Variants in SLC8A1 observed in about 807,000 individuals in gnomAD.
The protein encoded by SLC8A1 is sodium/calcium exchanger 1.
SLC8A1 carries 18 observed loss-of-function variants against 68.3 expected under a neutral mutation model. The observed-to-expected ratio is 0.26, with a 90% CI of 0.18 to 0.39. SLC8A1 has a LOEUF of 0.39. Ranked by LOEUF, SLC8A1 falls within the 10% of genes least tolerant of loss-of-function variation. The probability of loss-of-function intolerance (pLI) is 1.00; values close to 1 mark genes in which losing one functional copy is unlikely to be tolerated. For missense variants in SLC8A1, 985 were observed against 1,156.7 expected, an observed-to-expected ratio of 0.85 and a Z score of 2.15; for synonymous variants, 475 against 415.5, an observed-to-expected ratio of 1.14 and a Z score of -1.74.
At chr2:40,429,708 A>C in exon 2 of SLC8A1, 1 of 1,613,878 alleles carries the variant, frequency 6.2e-7, no homozygotes, top group Non-Finnish European at 8.5e-7. Flanking sequence ...TCTCTCCGTC[A>C]GGCACCACAT....
intron 2 of SLC8A1, among the ~76,000 whole-genome samples, chr2:40,345,941 C>T (rs1307018400): frequency 6.6e-6 from 1 of 151,420 alleles, no homozygotes; most frequent in Non-Finnish European, 1.5e-5. Flanking sequence ...CAGCAAACCA[C>T]CATGGCACAT....
chr2:40,358,046 AG>A lies in SLC8A1; in HGVS notation c.1808+70426del, dbSNP rs1258855687. ...AATGCCAAACAATACATGCAACTGA[AG>A]GAAAAAAAAAAAAAAAAAAAAAAAG... On this transcript the variant is annotated intron_variant, in intron 2 of 7. Transcript: ENST00000406785. 9.7e-3 allele frequency among the ~76,000 whole-genome samples: 1,393 copies of A among 143,164 alleles called. 25 individuals carry two copies. Among genetic ancestry groups the A allele is most frequent in the African/African-American group, 0.034 (1,315 of 38,176 alleles). The allele number at this position is 143,164 out of a possible 152,430, so 93.9% of individuals were successfully genotyped here. A position where few individuals can be genotyped will look rare whatever the true frequency, so the allele number is the denominator to read the frequency against.
At chr2:40,154,198 G>A (rs529019072) in intron 6 of SLC8A1, among the ~76,000 whole-genome samples, 1 of 151,060 alleles carries the variant, frequency 6.6e-6, no homozygotes, top group Non-Finnish European at 1.5e-5. Context: ...TATAGGTGAA[G>A]AACAGAAATA....
At chr2:40,456,178 T>C (rs1488592817), upstream of SLC8A1, among the ~76,000 whole-genome samples, 1 of 152,010 alleles carries the variant, frequency 6.6e-6, no homozygotes, top group East Asian at 1.9e-4. Context: ...TAGCCGGGCG[T>C]GGTGGCGGGC....
At chr2:40,236,448 G>T (rs1166389259) in intron 2 of SLC8A1, among the ~76,000 whole-genome samples, 3 of 152,046 alleles carry the variant, frequency 2.0e-5, no homozygotes, top group African/African-American at 4.8e-5. Flanking sequence ...TTTTCCATTT[G>T]TTTGGCAGAT....
intron 7 of SLC8A1, among the ~76,000 whole-genome samples, chr2:40,119,681 C>G (rs2036337339): frequency 6.6e-6 from 1 of 152,180 alleles, no homozygotes; most frequent in Admixed American, 6.5e-5. Flanking sequence ...GATCAGATTT[C>G]CAATGCGATT....
intron 1 of SLC8A1, among the ~76,000 whole-genome samples, chr2:40,487,613 A>G (rs1345583298): frequency 2.0e-5 from 3 of 152,194 alleles, no homozygotes; most frequent in Non-Finnish European, 2.9e-5. Flanking sequence ...GGGGAAAAAT[A>G]GTGAATTCCT....
chr2:40,349,488 G>A (rs1670382710), intron 2 of SLC8A1, among the ~76,000 whole-genome samples: 1 of 152,192 alleles, frequency 6.6e-6, no homozygotes, highest in Non-Finnish European at 1.5e-5. Flanking sequence ...TATGAATCCT[G>A]CTCCTTCCTC....
chr2:40,492,002 T>G (rs1249042743), intron 1 of SLC8A1, among the ~76,000 whole-genome samples: 3 of 152,120 alleles, frequency 2.0e-5, no homozygotes, highest in African/African-American at 7.2e-5. Flanking sequence ...ACTTTAAAGT[T>G]CATATGGAAC....
chr2:40,351,918 C>A (rs1559352928), intron 2 of SLC8A1, among the ~76,000 whole-genome samples: 1 of 152,152 alleles, frequency 6.6e-6, no homozygotes, highest in African/African-American at 2.4e-5. Context: ...GTTTTCTGAG[C>A]AGACCACTCC....
intron 1 of SLC8A1, among the ~76,000 whole-genome samples, chr2:40,457,098 T>A (rs11124741): frequency 1.3e-5 from 2 of 152,162 alleles, no homozygotes; most frequent in Non-Finnish European, 2.9e-5. Flanking sequence ...TCAAAGACAG[T>A]CATTTTACGC....
At chr2:40,211,728 T>C (rs546521227) in intron 2 of SLC8A1, among the ~76,000 whole-genome samples, 45 of 152,222 alleles carry the variant, frequency 3.0e-4, no homozygotes, top group African/African-American at 1.0e-3. Context: ...TTGGACAAAA[T>C]CAGTCATCCT....
intron 2 of SLC8A1, among the ~76,000 whole-genome samples, chr2:40,318,973 GGATT>G (rs2074848152): frequency 6.6e-6 from 1 of 152,022 alleles, no homozygotes; most frequent in Non-Finnish European, 1.5e-5. Context: ...ATGATTCTAT[GGATT>G]TGCCACTGCT....
intron 2 of SLC8A1, among the ~76,000 whole-genome samples, chr2:40,260,738 G>A (rs553465202): frequency 7.6e-4 from 115 of 151,042 alleles, no homozygotes; most frequent in African/African-American, 2.6e-3. Context: ...AAATGTGTAT[G>A]TGGTTTTTTT....
intron 2 of SLC8A1, among the ~76,000 whole-genome samples, chr2:40,422,304 A>T (rs1695734363): frequency 6.6e-6 from 1 of 152,184 alleles, no homozygotes; most frequent in African/African-American, 2.4e-5. Context: ...TCAGCCATGG[A>T]GGAAATATGA....
intron 4 of SLC8A1, among the ~76,000 whole-genome samples, chr2:40,171,874 G>C (rs888603942): frequency 5.3e-5 from 8 of 152,200 alleles, no homozygotes; most frequent in African/African-American, 7.2e-5. Context: ...GCAAGGTCTG[G>C]GAACAATAGG....
chr2:40,302,437 TTGTGTGTGTG>T (rs60780425), intron 2 of SLC8A1, among the ~76,000 whole-genome samples: 22 of 132,928 alleles, frequency 1.7e-4, no homozygotes, highest in Admixed American at 5.2e-4. Flanking sequence ...TAGTATTCCA[TTGTGTGTGTG>T]TGTGTGTGTG....
chr2:40,498,997 C>A (rs1705885430), intron 1 of SLC8A1, among the ~76,000 whole-genome samples: 1 of 151,910 alleles, frequency 6.6e-6, no homozygotes, highest in South Asian at 2.1e-4. Context: ...AACCTTCAGG[C>A]ACTGATATAA....
chr2:40,135,565 A>G (rs747742748), intron 7 of SLC8A1, among the ~76,000 whole-genome samples: 128 of 152,090 alleles, frequency 8.4e-4, no homozygotes, highest in Non-Finnish European at 1.6e-3. Flanking sequence ...TAAAAATACA[A>G]AAATTAGCTA....
Sources: allele counts gnomAD v4.1 joint callset (sites outside exome capture counted in the v4.1 genomes callset), GRCh38; gene constraint gnomAD v4.1.1; transcripts MANE v1.5; gene names NCBI Gene and HGNC (gene_info 2026-07-23, HGNC 2026-07-21).